SETD2: variants seen among roughly 807,000 people sequenced by gnomAD.
SETD2 encodes SET domain containing 2, histone lysine methyltransferase.
Under a neutral mutation model 242.1 loss-of-function variants are expected in SETD2, and 31 were observed. The ratio of observed to expected loss-of-function variants is 0.13; its 90% CI spans 0.10 to 0.17. The LOEUF is 0.17. Ranked by LOEUF, SETD2 falls within the 10% of genes least tolerant of loss-of-function variation. The pLI is 1.00. For missense variants in SETD2, 2,481 were observed against 3,046.3 expected (o/e 0.81, Z 4.37); for synonymous variants, 1,006 against 1,066.5 (o/e 0.94, Z 1.11).
intron 18 of SETD2, among the ~76,000 whole-genome samples, chr3:47,030,417 T>C (rs1412647609): frequency 6.6e-6 from 1 of 152,062 alleles, no homozygotes; most frequent in East Asian, 1.9e-4. Context: ...TGAAAAAAAT[T>C]TGACAGAGAT....
In SETD2 at chr3:47,059,244, G is replaced by C. The variant is rs544368124; in HGVS notation, c.6294-1754C>G. ...TGCTTCTCCTGCCTTAGTCTCCCCA[G>C]TAACTGGGATTACAGGGGTGCATCA... On this transcript the variant is annotated intron_variant, in intron 14 of 20. Coordinates refer to ENST00000409792, the MANE Select transcript of SETD2 (RefSeq NM_014159.7). Among the ~76,000 whole-genome samples the C allele has an allele frequency of 2.0e-5, 3 of 149,484 alleles. No homozygotes were observed. In the South Asian group the frequency reaches 6.4e-4, roughly 32 times the overall value.
intron 18 of SETD2, among the ~76,000 whole-genome samples, chr3:47,033,653 T>TA (rs2038876708): frequency 9.8e-5 from 1 of 10,160 alleles, no homozygotes; most frequent in Non-Finnish European, 1.0e-3. Context: ...CATGGTTTGA[T>TA]TTTTTTTTTT....
chr3:47,108,616 C>G (rs1190191597), intron 5 of SETD2, among the ~76,000 whole-genome samples: 1 of 152,182 alleles, frequency 6.6e-6, no homozygotes, highest in South Asian at 2.1e-4. Flanking sequence ...ATATCAGAGC[C>G]TGACCAGCCA....
chr3:47,092,960 T>C (rs749823039), intron 9 of SETD2, among the ~76,000 whole-genome samples: 4 of 152,192 alleles, frequency 2.6e-5, no homozygotes, highest in Non-Finnish European at 4.4e-5. Context: ...ATTTTCTTTA[T>C]AGGTTTACTA....
intron 5 of SETD2, among the ~76,000 whole-genome samples, chr3:47,107,726 G>A (rs868685680): frequency 0.065 from 1,402 of 21,548 alleles, 45 homozygotes; most frequent in African/African-American, 0.24. Context: ...GTGGCGGGGG[G>A]GGGTGGGGGG....
chr3:47,038,997 C>CAT (rs751847675), intron 17 of SETD2, among the ~76,000 whole-genome samples: 1 of 152,054 alleles, frequency 6.6e-6, no homozygotes, highest in Non-Finnish European at 1.5e-5. Flanking sequence ...AGTGTATATA[C>CAT]ATATATATAG....
intron 15 of SETD2, among the ~76,000 whole-genome samples, chr3:47,050,738 T>TTTTTTTTTTC (rs2039794264): frequency 7.7e-6 from 1 of 130,462 alleles, no homozygotes; most frequent in Non-Finnish European, 1.6e-5. Flanking sequence ...TTTTTTTTTT[T>TTTTTTTTTTC]TTTTTTTTTT....
intron 18 of SETD2, among the ~76,000 whole-genome samples, chr3:47,024,372 T>C (rs1343912177): frequency 6.6e-6 from 1 of 152,216 alleles, no homozygotes; most frequent in Non-Finnish European, 1.5e-5. Context: ...CTTGGGAGGC[T>C]GAGGCAGGAG....
intron 18 of SETD2, among the ~76,000 whole-genome samples, chr3:47,029,817 T>C (rs1272745202): frequency 1.3e-5 from 2 of 152,176 alleles, no homozygotes; most frequent in Non-Finnish European, 2.9e-5. Flanking sequence ...TTCCTAAAAA[T>C]AGCATTTTAT....
chr3:47,115,611 T>C (rs923245691), intron 4 of SETD2, among the ~76,000 whole-genome samples: 4 of 152,146 alleles, frequency 2.6e-5, no homozygotes. Context: ...ACTCTTTCCA[T>C]GTAAAAGACA....
At chr3:47,139,302 A>C (rs2043669245) in intron 1 of SETD2, among the ~76,000 whole-genome samples, 1 of 152,164 alleles carries the variant, frequency 6.6e-6, no homozygotes, top group Non-Finnish European at 1.5e-5. Context: ...AATGTCTAGT[A>C]GGTACTCAGC....
At chr3:47,083,140 G>C (rs2041388088) in intron 12 of SETD2, among the ~76,000 whole-genome samples, 1 of 152,178 alleles carries the variant, frequency 6.6e-6, no homozygotes, top group Non-Finnish European at 1.5e-5. Context: ...TCTTCAACAA[G>C]AGATTATGTA....
intron 17 of SETD2, among the ~76,000 whole-genome samples, chr3:47,039,398 A>G (rs919026340): frequency 6.6e-6 from 1 of 151,912 alleles, no homozygotes; most frequent in Non-Finnish European, 1.5e-5. Context: ...TATTTTTAGT[A>G]TAGGTGAGGT....
chr3:47,120,854 T>C lies in SETD2; in HGVS notation c.3782A>G (p.Asp1261Gly), dbSNP rs536512389. 5.6e-6 allele frequency: 9 copies of C among 1,614,202 alleles called. No homozygotes were observed. The South Asian group carries it at 9.9e-5, about 18-fold the overall frequency. ...GGTAGAAGGCTTTTCTTGAGAGAAG[T>C]CCCAACCTAAGTTTCTGAGCTCTTC... ...SSEELRNLGW[D>G]FSQEKPSTTY... Residue 1261 changes from aspartate to glycine, a missense_variant, in exon 3 of 21, where the codon GAC (aspartate) becomes GGC (glycine). Physicochemically the swap from Asp to Gly is moderately conservative, Grantham distance 94. Transcript: ENST00000409792.
rs531888776 is a variant in SETD2, at chr3:47,134,960, A to G, written c.72-8297T>C. Among the ~76,000 whole-genome samples the G allele has an allele frequency of 3.3e-5, 5 of 152,280 alleles. No homozygotes were observed. In the South Asian group the frequency reaches 1.0e-3, roughly 32 times the overall value. On this transcript the variant is annotated intron_variant, in intron 1 of 20. Coordinates refer to ENST00000409792, the MANE Select transcript of SETD2 (RefSeq NM_014159.7). Reference sequence around the variant, plus strand: ...TTAGAAAGGTAACACTTAACTATAAATATCACCTCTCATATCAATCAGAGG... The same window carrying G: ...TTAGAAAGGTAACACTTAACTATAAGTATCACCTCTCATATCAATCAGAGG...
Position 47,062,234 on chromosome 3 carries a change from T to G in SETD2, c.6222A>C (p.Lys2074Asn). 6.2e-7 allele frequency: 1 copy of G among 1,614,122 alleles called. No individual in the cohort carries two copies. ...GTGAGAGGGAGCTTCTTCGTTTCCT[T>G]TTCTCTTTATTTTGAGTTTGCTTGT... ...DPDKQTQNKE[K>N]RKRRSSLSPP... The change falls in exon 14 of 21, where the codon AAA becomes AAC. Residue 2074 changes from lysine to asparagine, a missense_variant. Transcript: ENST00000409792.
chr3:47,098,805 A>G (rs1191457634), intron 8 of SETD2, among the ~76,000 whole-genome samples: 8 of 152,136 alleles, frequency 5.3e-5, no homozygotes, highest in Admixed American at 4.6e-4. Flanking sequence ...CAAAAAAATA[A>G]TAATAATAAT....
At chr3:47,115,107 C>T (rs545949710) in intron 4 of SETD2, among the ~76,000 whole-genome samples, 9 of 152,156 alleles carry the variant, frequency 5.9e-5, no homozygotes, top group African/African-American at 1.9e-4. Flanking sequence ...ATACAACTGT[C>T]CCTGTCTGTG....
intron 9 of SETD2, among the ~76,000 whole-genome samples, chr3:47,097,650 G>A (rs187086877): frequency 1.6e-4 from 25 of 152,250 alleles, no homozygotes; most frequent in Admixed American, 1.2e-3. Flanking sequence ...GATTAGAAAC[G>A]TACAGCAGAC....
Sources: gnomAD v4.1 joint callset for allele counts (sites outside exome capture counted in the v4.1 genomes callset) on GRCh38, gnomAD v4.1.1 for gene constraint, MANE v1.5 for transcripts, NCBI Gene and HGNC (gene_info 2026-07-23, HGNC 2026-07-21) for gene names.